The following MAEL variants were observed in gnomAD, a reference collection of about 807,000 sequenced individuals.
The protein encoded by MAEL is maelstrom spermatogenic transposon silencer.
Under a neutral mutation model 62.0 loss-of-function variants are expected in MAEL, and 46 were observed. The observed-to-expected ratio is 0.74, with a 90% CI of 0.59 to 0.95. The LOEUF (loss-of-function observed/expected upper bound fraction) is 0.95, where lower values mean the gene tolerates loss of function less well. MAEL is among the 40% of genes least tolerant of loss of function. The probability of loss-of-function intolerance (pLI) is 0.00; values close to 1 mark genes in which losing one functional copy is unlikely to be tolerated. For synonymous variants in MAEL, 172 were observed against 175.5 expected (o/e 0.98, Z 0.16); for missense variants, 497 against 526.8 (o/e 0.94, Z 0.55).
At chr1:167,017,008 G>T (rs1665423553) in intron 9 of MAEL, among the ~76,000 whole-genome samples, 1 of 152,068 alleles carries the variant, frequency 6.6e-6, no homozygotes, top group African/African-American at 2.4e-5. Flanking sequence ...AGGGGTGAGG[G>T]GGAAGTGAAG....
At chr1:167,020,330 C>G (rs1250732704) in intron 10 of MAEL, among the ~76,000 whole-genome samples, 1 of 152,046 alleles carries the variant, frequency 6.6e-6, no homozygotes, top group African/African-American at 2.4e-5. Flanking sequence ...TTGACAGATA[C>G]TAACCCTGAT....
At chr1:167,001,591 A>G (rs920288811) in intron 5 of MAEL, among the ~76,000 whole-genome samples, 32 of 152,202 alleles carry the variant, frequency 2.1e-4, no homozygotes, top group African/African-American at 7.2e-4. Flanking sequence ...TAACATTTAT[A>G]TGCACTGGGA....
In MAEL at chr1:167,016,164, A is replaced by T. The variant is rs562935528; in HGVS notation, c.846-58A>T. ...GATTTCAGATAGAAATCTGGCATAT[A>T]AAAACCTTTAAGCAGTGCTACTTCA... On this transcript the variant is annotated intron_variant, in intron 8 of 11. Coordinates refer to ENST00000367872, the MANE Select transcript of MAEL (RefSeq NM_032858.3). The T allele has an allele frequency of 3.8e-5, 55 of 1,437,932 alleles. No homozygotes were observed. In the African/African-American group the frequency reaches 5.7e-4, roughly 15 times the overall value. 89.1% of individuals were successfully genotyped at this position (1,437,932 alleles called of 1,614,324 possible).
intron 11 of MAEL, 104 bp downstream of exon 11, chr1:167,021,264 G>A: frequency 3.8e-6 from 3 of 793,560 alleles, no homozygotes; most frequent in Non-Finnish European, 6.2e-6. Flanking sequence ...TTAGCTTTAG[G>A]ATATAAGAAG....
In MAEL at chr1:166,976,315, G is replaced by C. The variant is rs916833117; in HGVS notation, c.-121+649G>C. The stretch of plus-strand genomic sequence containing the variant: ...ACTGAGAAATGTATGATTTGCTTAA[G>C]AAATATATTTATGAAGCCTCTACTA... On this transcript the variant is annotated intron_variant, in intron 1 of 12. Coordinates refer to the MAEL transcript ENST00000622874. Among the ~76,000 whole-genome samples, 34 of 152,212 alleles carry C rather than the reference G, an allele frequency of 2.2e-4. 1 individual carries two copies. The highest frequency in any genetic ancestry group is 8.0e-4 in the African/African-American group (33 of 41,454).
chr1:166,985,496 A>G (rs1663885514), upstream of MAEL, among the ~76,000 whole-genome samples: 1 of 152,242 alleles, frequency 6.6e-6, no homozygotes, highest in South Asian at 2.1e-4. Flanking sequence ...TTATATTCCC[A>G]TCAGCCAAAG....
At chr1:167,006,677 C>A (rs1664927756) in intron 8 of MAEL, among the ~76,000 whole-genome samples, 1 of 136,598 alleles carries the variant, frequency 7.3e-6, no homozygotes, top group Admixed American at 8.0e-5. Context: ...GCTGTATCAC[C>A]TAGGCTGGAG....
chr1:166,986,092 T>C (rs1294505314), upstream of MAEL, among the ~76,000 whole-genome samples: 5 of 152,012 alleles, frequency 3.3e-5, no homozygotes, highest in Non-Finnish European at 5.9e-5. Context: ...CAGAATAAAG[T>C]ATTACTAAAC....
chr1:167,012,456 A>T (rs1665205774), intron 8 of MAEL: 1 of 152,212 alleles, frequency 6.6e-6, no homozygotes, highest in African/African-American at 2.4e-5. Flanking sequence ...GGCAGCCTTT[A>T]TTTAATCAAC....
intron 5 of MAEL, among the ~76,000 whole-genome samples, chr1:166,999,251 G>A (rs1664558886): frequency 6.6e-6 from 1 of 152,202 alleles, no homozygotes; most frequent in South Asian, 2.1e-4. Flanking sequence ...AAATGACCAA[G>A]TTGTGAATGC....
intron 8 of MAEL, among the ~76,000 whole-genome samples, chr1:167,007,540 A>G (rs1302758194): frequency 6.7e-6 from 1 of 150,112 alleles, no homozygotes; most frequent in Non-Finnish European, 1.5e-5. Context: ...CTTAGTAGAG[A>G]GCTAGGAAAT....
At chr1:167,019,760 A>G (rs1665548138) in intron 10 of MAEL, among the ~76,000 whole-genome samples, 1 of 151,906 alleles carries the variant, frequency 6.6e-6, no homozygotes, top group Admixed American at 6.6e-5. Flanking sequence ...AGGATGTAGT[A>G]CCTTTTTGGA....
chr1:166,986,585 G>T (rs563287441), upstream of MAEL, among the ~76,000 whole-genome samples: 1 of 152,236 alleles, frequency 6.6e-6, no homozygotes, highest in South Asian at 2.1e-4. Context: ...ACAGCAGAAT[G>T]AAGAAAAATA....
At chr1:166,996,145 A>G (rs1266554620) in intron 5 of MAEL, among the ~76,000 whole-genome samples, 1 of 152,234 alleles carries the variant, frequency 6.6e-6, no homozygotes, top group East Asian at 1.9e-4. Flanking sequence ...ACCTGTCACC[A>G]TAATAACTAA....
chr1:167,021,978 G>A lies in MAEL; in HGVS notation c.*123G>A. ...ACTATAAAAACTACTTAATTTGTAAGGAAATTGTTTCATAGATTTAAAAAA... is the reference window on the plus strand; with the variant it reads ...ACTATAAAAACTACTTAATTTGTAAAGAAATTGTTTCATAGATTTAAAAAA... On this transcript the variant is annotated 3_prime_UTR_variant, in exon 12 of 12. Transcript: ENST00000367872. 1.5e-6 allele frequency: 1 copy of A among 657,886 alleles called. No individual in the cohort carries two copies. The highest frequency in any genetic ancestry group is 2.4e-6 in the Non-Finnish European group (1 of 413,140). The allele number at this position is 657,886 out of a possible 1,614,324, so 40.8% of individuals were successfully genotyped here. A position where few individuals can be genotyped will look rare whatever the true frequency, so the allele number is the denominator to read the frequency against.
At chr1:167,013,748 G>T (rs1193120791) in intron 8 of MAEL, among the ~76,000 whole-genome samples, 1 of 152,096 alleles carries the variant, frequency 6.6e-6, no homozygotes, top group Non-Finnish European at 1.5e-5. Flanking sequence ...GTTCCATATT[G>T]TTCAGTGGGG....
At chr1:166,987,274 A>G (rs934880694), upstream of MAEL, among the ~76,000 whole-genome samples, 18 of 152,338 alleles carry the variant, frequency 1.2e-4, no homozygotes, top group African/African-American at 4.3e-4. Flanking sequence ...GTATACATTG[A>G]ATCACATCCT....
chr1:167,021,099 G>T lies in MAEL; in HGVS notation c.1056G>T (p.Gly352=). ...DAGRYQKLRV[G]SSGFSHFNSS... ...GTTACTTACAGAAGCTAAGGGTTGG[G>T]AGTTCAGGATTCTCTCATTTCAACT... The change falls in exon 11 of 12, where the codon GGG becomes GGT. Residue 352 remains glycine (G), a synonymous_variant. Coordinates refer to ENST00000367872, the MANE Select transcript of MAEL (RefSeq NM_032858.3). 5 of 1,611,864 alleles carry T rather than the reference G, an allele frequency of 3.1e-6. No homozygotes were observed. The highest frequency in any genetic ancestry group is 4.2e-6 in the Non-Finnish European group (5 of 1,178,402).
chr1:166,990,958 C>G (rs951445446), intron 2 of MAEL, among the ~76,000 whole-genome samples: 1 of 152,206 alleles, frequency 6.6e-6, no homozygotes, highest in Non-Finnish European at 1.5e-5. Context: ...TATCTCTCCT[C>G]AAAACTAAAG....
Sources: allele counts gnomAD v4.1 joint callset (sites outside exome capture counted in the v4.1 genomes callset), GRCh38; gene constraint gnomAD v4.1.1; transcripts MANE v1.5; gene names NCBI Gene and HGNC (gene_info 2026-07-23, HGNC 2026-07-21).